ARNT2: variants seen among roughly 807,000 people sequenced by gnomAD.
The protein encoded by ARNT2 is ARNT protein 2.
In ARNT2, 36 loss-of-function variants were observed where a neutral mutation model predicts 91.7. That is an observed-to-expected ratio of 0.39 (90% CI 0.30 to 0.52). The LOEUF (loss-of-function observed/expected upper bound fraction) is 0.52. Among genes scored for constraint, ARNT2 ranks in the 20% least tolerant of loss-of-function variants. ARNT2 has a pLI of 0.72. For synonymous variants in ARNT2, 365 were observed against 347.1 expected (o/e 1.05, Z -0.57); for missense variants, 775 against 939.3 (o/e 0.83, Z 2.29).
intron 1 of ARNT2, among the ~76,000 whole-genome samples, chr15:80,425,763 G>A (rs1895924398): frequency 6.6e-6 from 1 of 151,962 alleles, no homozygotes; most frequent in Non-Finnish European, 1.5e-5. Flanking sequence ...TCTATAGGAA[G>A]GGGGCCAGGC....
intron 2 of ARNT2, 29 bp from the exon 3 acceptor site, chr15:80,457,900 A>G (rs1469480655): frequency 1.9e-6 from 3 of 1,612,582 alleles, no homozygotes; most frequent in East Asian, 2.2e-5. Flanking sequence ...CCTAATAATC[A>G]GTGCTCACTT....
intron 5 of ARNT2, among the ~76,000 whole-genome samples, chr15:80,480,417 G>T (rs1896867887): frequency 6.6e-6 from 1 of 152,144 alleles, no homozygotes; most frequent in Admixed American, 6.5e-5. Context: ...CCCTCCTGTG[G>T]CTGTTGAACT....
intron 5 of ARNT2, among the ~76,000 whole-genome samples, chr15:80,503,221 G>A (rs1897224563): frequency 6.6e-6 from 1 of 152,224 alleles, no homozygotes. Context: ...GTGGGATGGA[G>A]ACTGACTGCC....
At chr15:80,461,977 G>A (rs1896562299) in intron 3 of ARNT2, among the ~76,000 whole-genome samples, 1 of 152,160 alleles carries the variant, frequency 6.6e-6, no homozygotes, top group Non-Finnish European at 1.5e-5. Context: ...TTTCTCCAAA[G>A]ATGATCCTCC....
intron 7 of ARNT2, 131 bp downstream of exon 7, chr15:80,514,107 A>G (rs1220787628): frequency 9.9e-7 from 1 of 1,011,732 alleles, no homozygotes; most frequent in Non-Finnish European, 1.5e-6. Context: ...TCAGGGTGGC[A>G]GTGGCAGAGA....
At chr15:80,580,174 G>A (rs1293283516) in intron 15 of ARNT2, 4 of 533,770 alleles carry the variant, frequency 7.5e-6, no homozygotes, top group Non-Finnish European at 1.0e-5. Flanking sequence ...AGGAGAGGAA[G>A]TACCAGACTA....
At chr15:80,564,002 T>A (rs995766558) in intron 12 of ARNT2, among the ~76,000 whole-genome samples, 3 of 152,128 alleles carry the variant, frequency 2.0e-5, no homozygotes, top group Non-Finnish European at 4.4e-5. Context: ...CTCAAGGAAA[T>A]ACAAGGCCAA....
chr15:80,426,540 G>C (rs1209938809), intron 1 of ARNT2, among the ~76,000 whole-genome samples: 1 of 152,188 alleles, frequency 6.6e-6, no homozygotes, highest in Non-Finnish European at 1.5e-5. Flanking sequence ...CATGGGAGCG[G>C]GTAGGGCTAA....
In ARNT2 at chr15:80,415,033, C is replaced by A. The variant is rs369669536; in HGVS notation, c.31+10487C>A. On this transcript the variant is annotated intron_variant, in intron 1 of 18. Coordinates refer to ENST00000303329, the MANE Select transcript of ARNT2 (RefSeq NM_014862.4). ...ATTGGTGAACAGAGGAGAATGTAGA[C>A]CCCCTCCATTTCTTTCCTGCAGGCA... Among the ~76,000 whole-genome samples the A allele has an allele frequency of 5.9e-5, 9 of 152,186 alleles. No homozygotes were observed. The East Asian group carries it at 1.3e-3, about 23-fold the overall frequency.
chr15:80,524,667 C>G (rs1013360452), intron 8 of ARNT2, among the ~76,000 whole-genome samples: 2 of 151,970 alleles, frequency 1.3e-5, no homozygotes, highest in African/African-American at 2.4e-5. Context: ...ATGAGGTCAG[C>G]AGATCGAGAC....
intron 5 of ARNT2, 66 bp from the exon 6 acceptor site, chr15:80,508,090 G>A (rs1362511855): frequency 1.7e-5 from 26 of 1,514,446 alleles, no homozygotes; most frequent in Non-Finnish European, 2.2e-5. Flanking sequence ...AGCACTCCCC[G>A]AACTCCCTCC....
intron 15 of ARNT2, among the ~76,000 whole-genome samples, chr15:80,577,466 C>T (rs1393698395): frequency 6.6e-6 from 1 of 152,220 alleles, no homozygotes; most frequent in Non-Finnish European, 1.5e-5. Context: ...TGGTAGGTCA[C>T]TGAGGAAGCC....
intron 8 of ARNT2, among the ~76,000 whole-genome samples, chr15:80,536,881 GC>G (rs1269296162): frequency 6.6e-6 from 1 of 152,076 alleles, no homozygotes; most frequent in East Asian, 1.9e-4. Context: ...TGAATGAAGT[GC>G]TTTTGTGGTC....
At chr15:80,505,201 G>A (rs1247047452) in intron 5 of ARNT2, among the ~76,000 whole-genome samples, 1 of 152,214 alleles carries the variant, frequency 6.6e-6, no homozygotes, top group Admixed American at 6.5e-5. Context: ...CCATGGACCA[G>A]CGAGTCTGAG....
intron 8 of ARNT2, among the ~76,000 whole-genome samples, chr15:80,543,755 T>G (rs1255204130): frequency 6.6e-6 from 1 of 152,208 alleles, no homozygotes; most frequent in Non-Finnish European, 1.5e-5. Context: ...AATTTTTTAT[T>G]ATTTTACTTT....
intron 3 of ARNT2, 25 bp downstream of exon 3, chr15:80,458,001 A>T: frequency 6.2e-7 from 1 of 1,606,966 alleles, no homozygotes; most frequent in Non-Finnish European, 8.5e-7. Flanking sequence ...TTTTCCTTAG[A>T]CTTAAAGAAG....
chr15:80,522,842 A>G (rs1897575628), intron 8 of ARNT2, among the ~76,000 whole-genome samples: 1 of 150,976 alleles, frequency 6.6e-6, no homozygotes, highest in Non-Finnish European at 1.5e-5. Context: ...ATATACACAC[A>G]TTAAAAAATT....
chr15:80,450,076 G>A (rs1896363699), intron 1 of ARNT2, among the ~76,000 whole-genome samples: 1 of 152,208 alleles, frequency 6.6e-6, no homozygotes, highest in South Asian at 2.1e-4. Context: ...GTAGGAAAGA[G>A]AGACTGCTTA....
chr15:80,451,643 TAACCAACC>T (rs936258757), intron 2 of ARNT2, among the ~76,000 whole-genome samples: 2 of 151,584 alleles, frequency 1.3e-5, no homozygotes, highest in South Asian at 4.2e-4. Flanking sequence ...ACCAACCAAC[TAACCAACC>T]AACCAACCAA....
Sources: allele counts gnomAD v4.1 joint callset (sites outside exome capture counted in the v4.1 genomes callset), GRCh38; gene constraint gnomAD v4.1.1; transcripts MANE v1.5; gene names NCBI Gene and HGNC (gene_info 2026-07-23, HGNC 2026-07-21).